Variants in MYH11 observed in about 807,000 individuals in gnomAD.
MYH11 encodes the protein myosin heavy chain 11.
In MYH11, 80 loss-of-function variants were observed where a neutral mutation model predicts 246.6. The ratio of observed to expected loss-of-function variants is 0.32; its 90% CI spans 0.27 to 0.39. The LOEUF (loss-of-function observed/expected upper bound fraction) is 0.39, where lower values mean the gene tolerates loss of function less well. Ranked by LOEUF, MYH11 falls within the 10% of genes least tolerant of loss-of-function variation. The pLI is 1.00. For missense variants in MYH11, 2,158 were observed against 2,546.8 expected (o/e 0.85, Z 3.29); for synonymous variants, 1,071 against 1,015.5 (o/e 1.05, Z -1.04).
chr16:15,744,444 C>T (rs960753901), intron 20 of MYH11, among the ~76,000 whole-genome samples: 3 of 151,750 alleles, frequency 2.0e-5, no homozygotes, highest in African/African-American at 4.8e-5. Context: ...CCACCCGCCT[C>T]GGCCTCCCAA....
intron 13 of MYH11, 149 bp downstream of exon 13, chr16:15,757,678 A>G (rs995014584): frequency 3.9e-5 from 38 of 966,504 alleles, no homozygotes; most frequent in Admixed American, 8.4e-5. Flanking sequence ...GTTCACAAGG[A>G]TTCAGCTTAC....
In MYH11 at chr16:15,748,703, A is replaced by G. The variant is rs1418711047; in HGVS notation, c.2059-535T>C. Among the ~76,000 whole-genome samples the G allele has an allele frequency of 1.3e-5, 2 of 151,552 alleles. 1 individual carries two copies. Among genetic ancestry groups the G allele is most frequent in the Non-Finnish European group, 2.9e-5 (2 of 67,878 alleles). ...CGATCATGGCTCACTGCAGCCTCAA[A>G]CTCCTGGGCTCAAGTGATCCTCCCA... On this transcript the variant is annotated intron_variant, in intron 16 of 40. Transcript: ENST00000300036.
chr16:15,719,399 A>G, intron 35 of MYH11, 91 bp from the exon 36 acceptor site: 2 of 1,501,620 alleles, frequency 1.3e-6, no homozygotes, highest in South Asian at 1.1e-5. Context: ...CCTTGAAAGT[A>G]CATGTTCTTC....
intron 6 of MYH11, among the ~76,000 whole-genome samples, chr16:15,781,548 T>C (rs2042353829): frequency 6.6e-6 from 1 of 152,192 alleles, no homozygotes; most frequent in African/African-American, 2.4e-5. Context: ...AAAATATCTT[T>C]CTGACCCTCC....
intron 27 of MYH11, among the ~76,000 whole-genome samples, chr16:15,730,630 A>G (rs531518062): frequency 7.2e-5 from 11 of 152,268 alleles, no homozygotes; most frequent in Admixed American, 7.2e-4. Flanking sequence ...ACCAAATGCA[A>G]ATTCCCCAAA....
At chr16:15,809,094 C>G (rs1357419050) in intron 3 of MYH11, among the ~76,000 whole-genome samples, 5 of 152,114 alleles carry the variant, frequency 3.3e-5, no homozygotes, top group African/African-American at 9.7e-5. Context: ...TCCAAGGAAG[C>G]CTCCCCTGTC....
intron 1 of MYH11, among the ~76,000 whole-genome samples, chr16:15,844,873 C>T (rs1036760527): frequency 3.9e-5 from 6 of 151,990 alleles, no homozygotes; most frequent in African/African-American, 7.2e-5. Flanking sequence ...CCACAGAGAA[C>T]GAGAACATTT....
chr16:15,719,729 G>A lies in MYH11; in HGVS notation c.4954-16C>T, dbSNP rs2050060739. On this transcript the variant is annotated splice_polypyrimidine_tract_variant and intron_variant, in intron 34 of 40. Coordinates refer to ENST00000300036, the MANE Select transcript of MYH11 (RefSeq NM_002474.3). ...TCATCTGAGCCTGCATGAGTCAACA[G>A]GGAGGACAAGCTCAGATGTCCTTAC... 3.1e-6 allele frequency: 5 copies of A among 1,613,774 alleles called. No homozygotes were observed. Among genetic ancestry groups the A allele is most frequent in the South Asian group, 2.2e-5 (2 of 91,078 alleles).
chr16:15,854,790 T>C (rs753443041), intron 1 of MYH11, among the ~76,000 whole-genome samples: 2 of 152,178 alleles, frequency 1.3e-5, no homozygotes, highest in East Asian at 1.9e-4. Context: ...AAGACCCACC[T>C]GTTTGGATTC....
intron 14 of MYH11, among the ~76,000 whole-genome samples, chr16:15,754,179 T>G (rs1011323806): frequency 2.6e-5 from 4 of 152,160 alleles, no homozygotes; most frequent in African/African-American, 9.6e-5. Flanking sequence ...ATTGCGCCAC[T>G]GAACTCCAGC....
intron 27 of MYH11, among the ~76,000 whole-genome samples, chr16:15,731,661 C>A (rs115203554): frequency 0.018 from 2,729 of 150,988 alleles, 97 homozygotes; most frequent in African/African-American, 0.062. Context: ...CCAGCTAATT[C>A]TTTATATTTT....
Position 15,704,003 on chromosome 16 carries a change from C to T in MYH11, c.5907G>A (p.Lys1969=), listed in dbSNP as rs755125529. 9 of 1,613,902 alleles carry T rather than the reference C, an allele frequency of 5.6e-6. No individual in the cohort carries two copies. The highest frequency in any genetic ancestry group is 5.3e-5 in the African/African-American group (4 of 74,870). The change falls in exon 41 of 41, where the codon AAG becomes AAA. Residue 1969 remains lysine (K), a synonymous_variant. Transcript: ENST00000300036. ...DTRDADFNGT[K]ASE is the part of the protein sequence containing the mutation. Reference sequence around the variant, plus strand: ...TGTAGAAAGTTGCTTATTCACTGGCCTTGGTTCCATTGAAGTCTGCGTCTC... The same window carrying T: ...TGTAGAAAGTTGCTTATTCACTGGCTTTGGTTCCATTGAAGTCTGCGTCTC...
chr16:15,825,523 C>G (rs931839954), intron 2 of MYH11, among the ~76,000 whole-genome samples: 1 of 152,124 alleles, frequency 6.6e-6, no homozygotes. Flanking sequence ...TACCATTGCA[C>G]TCTAGCCCCT....
intron 3 of MYH11, among the ~76,000 whole-genome samples, chr16:15,821,515 A>G (rs2043409494): frequency 1.3e-5 from 2 of 152,190 alleles, no homozygotes; most frequent in South Asian, 4.1e-4. Context: ...AGAGCACTGT[A>G]GAAATGCTTA....
intron 37 of MYH11, 153 bp downstream of exon 37, chr16:15,718,162 G>T: frequency 2.5e-6 from 3 of 1,201,256 alleles, no homozygotes; most frequent in Non-Finnish European, 2.4e-6. Context: ...TGGTGTAAGG[G>T]CCCTGGATCT....
intron 27 of MYH11, among the ~76,000 whole-genome samples, chr16:15,728,474 G>T (rs578183657): frequency 1.3e-5 from 2 of 152,206 alleles, no homozygotes; most frequent in South Asian, 4.1e-4. Context: ...TGCAGGTGGG[G>T]CAGTCACCTT....
In MYH11 at chr16:15,715,248, C is replaced by T. The variant is rs146024732; in HGVS notation, c.5529G>A (p.Ser1843=). 598 of 1,614,068 alleles carry T rather than the reference C, an allele frequency of 3.7e-4. No individual in the cohort carries two copies. Among genetic ancestry groups the T allele is most frequent in the Middle Eastern group, 1.8e-3 (11 of 6,054 alleles). The change falls in exon 39 of 41, where the codon TCG becomes TCA. Residue 1843 remains serine (S), a synonymous_variant. Transcript: ENST00000300036. The part of the protein sequence containing the change: ...EAREKQAATK[S]LKQKDKKLKE... ...TCAGCTTCTTGTCTTTCTGCTTCAG[C>T]GACTTGGTGGCCGCCTGTTTCTCTC... is the stretch of plus-strand genomic sequence containing the variant.
At chr16:15,735,698 A>T in intron 25 of MYH11, 120 bp from the exon 26 acceptor site, 1 of 912,580 alleles carries the variant, frequency 1.1e-6, no homozygotes, top group Non-Finnish European at 1.8e-6. Context: ...AACACCTTCT[A>T]TCCATGTCCC....
intron 3 of MYH11, among the ~76,000 whole-genome samples, chr16:15,813,049 C>G (rs1488063236): frequency 1.3e-5 from 2 of 152,132 alleles, no homozygotes; most frequent in Admixed American, 1.3e-4. Flanking sequence ...TGCCTGTAAT[C>G]CCAGCTACTC....
Sources: gnomAD v4.1 joint callset for allele counts (sites outside exome capture counted in the v4.1 genomes callset) on GRCh38, gnomAD v4.1.1 for gene constraint, MANE v1.5 for transcripts, NCBI Gene and HGNC (gene_info 2026-07-23, HGNC 2026-07-21) for gene names.